Variants in SCRN3 observed in about 807,000 individuals in gnomAD.
SCRN3 encodes the protein secernin-3.
In SCRN3, 39 loss-of-function variants were observed where a neutral mutation model predicts 43.1. The observed-to-expected ratio is 0.91, with a 90% confidence interval of 0.70 to 1.18. The LOEUF is 1.18. Ranked by LOEUF, SCRN3 falls within the 50% of genes most tolerant of loss-of-function variation. The pLI, the probability that SCRN3 is intolerant of heterozygous loss-of-function variation, is 0.00. For missense variants in SCRN3, 484 were observed against 498.0 expected (o/e 0.97, Z 0.27); for synonymous variants, 147 against 163.1 (o/e 0.90, Z 0.75).
chr2:174,396,985 G>A (rs1312270203), intron 1 of SCRN3: 1 of 682,912 alleles, frequency 1.5e-6, no homozygotes, highest in Admixed American at 6.3e-5. Context: ...TGAGGCAGAA[G>A]GCATAGGTAA....
At chr2:174,406,559 A>G (rs1167893490) in intron 5 of SCRN3, among the ~76,000 whole-genome samples, 1 of 150,636 alleles carries the variant, frequency 6.6e-6, no homozygotes, top group Non-Finnish European at 1.5e-5. Flanking sequence ...AAATGCTTCC[A>G]GTTTTTGCCC....
At chr2:174,420,669 CTG>C (rs1305197992) in intron 5 of SCRN3, among the ~76,000 whole-genome samples, 1 of 152,046 alleles carries the variant, frequency 6.6e-6, no homozygotes, top group Non-Finnish European at 1.5e-5. Flanking sequence ...AAAATTATAA[CTG>C]AAATTAAGAA....
At chr2:174,416,901 AC>A (rs1448587082) in intron 5 of SCRN3, among the ~76,000 whole-genome samples, 1 of 152,182 alleles carries the variant, frequency 6.6e-6, no homozygotes, top group Non-Finnish European at 1.5e-5. Flanking sequence ...AAAAAGGAAA[AC>A]GTTTGACAGA....
rs1686067617 is a variant in SCRN3 at position 174,415,363 on chromosome 2, A to T, written c.755-7522A>T. 2.0e-5 allele frequency among the ~76,000 whole-genome samples: 3 copies of T among 152,308 alleles called. No individual in the cohort carries two copies. In the South Asian group the frequency reaches 6.2e-4, roughly 32 times the overall value. On this transcript the variant is annotated intron_variant, in intron 5 of 7. Coordinates refer to ENST00000272732, the MANE Select transcript of SCRN3 (RefSeq NM_024583.5). The stretch of plus-strand genomic sequence containing the variant: ...AAAAAAAATGGCATGTTACAATTTT[A>T]ATATTTTTTTTAGTGAAATTAGATA...
chr2:174,424,051 A>G (rs374800632), intron 6 of SCRN3, among the ~76,000 whole-genome samples: 1 of 151,982 alleles, frequency 6.6e-6, no homozygotes, highest in African/African-American at 2.4e-5. Context: ...TTGACCTCTG[A>G]AAGTGCTGGG....
At chr2:174,424,374 T>C (rs1686406293) in intron 6 of SCRN3, 101 bp from the exon 7 acceptor site, 2 of 855,880 alleles carry the variant, frequency 2.3e-6, no homozygotes, top group African/African-American at 1.7e-5. Flanking sequence ...TGTAGCATCA[T>C]TAACAGAAAC....
At position 174,400,052 on chromosome 2, in the gene SCRN3, G is replaced by A; in HGVS notation, c.290G>A (p.Gly97Glu). The change falls in exon 3 of 8, where the codon GGA becomes GAA. Residue 97 changes from glycine to glutamate, a missense_variant. Transcript: ENST00000272732. ...TGCATTGGGAATGAAGCTGTATGGG[G>A]AAGAGAAGAAGTTTGTGATGAAGAA... ...GVCIGNEAVW[G>E]REEVCDEEAL... The A allele has an allele frequency of 2.5e-6, 4 of 1,596,896 alleles. No individual in the cohort carries two copies. The highest frequency in any genetic ancestry group is 3.4e-6 in the Non-Finnish European group (4 of 1,173,960).
intron 5 of SCRN3, among the ~76,000 whole-genome samples, chr2:174,414,765 C>CTTTTTTT (rs553055709): frequency 1.5e-5 from 2 of 131,192 alleles, no homozygotes; most frequent in Non-Finnish European, 3.2e-5. Flanking sequence ...TTTCTATTTT[C>CTTTTTTT]TTTTTTTTTT....
chr2:174,406,295 T>C lies in SCRN3; in HGVS notation c.754+1980T>C, dbSNP rs929891294. The stretch of plus-strand genomic sequence containing the variant: ...GGTGTATAGGAATGCTTGTGATTTG[T>C]GCACATTGATTTTGTATCCTGAGAC... On this transcript the variant is annotated intron_variant, in intron 5 of 7. Transcript: ENST00000272732. Among the ~76,000 whole-genome samples the C allele has an allele frequency of 1.7e-4, 24 of 141,324 alleles. 1 individual carries two copies. Among genetic ancestry groups the C allele is most frequent in the African/African-American group, 5.4e-4 (22 of 40,572 alleles). The allele number at this position is 141,324 out of a possible 152,430, so 92.7% of individuals were successfully genotyped here.
chr2:174,400,718 A>G (rs74987903), intron 3 of SCRN3, among the ~76,000 whole-genome samples: 356 of 152,342 alleles, frequency 2.3e-3, no homozygotes, highest in African/African-American at 8.2e-3. Flanking sequence ...TATCGTGCTC[A>G]TTTTACAAAT....
chr2:174,426,957 C>T (rs973399257), intron 7 of SCRN3, among the ~76,000 whole-genome samples: 32 of 151,794 alleles, frequency 2.1e-4, no homozygotes, highest in African/African-American at 4.8e-4. Flanking sequence ...CTCAGCCTCC[C>T]GAGTAGCTGG....
At chr2:174,397,678 AC>A (rs1685369355) in intron 1 of SCRN3, among the ~76,000 whole-genome samples, 1 of 152,096 alleles carries the variant, frequency 6.6e-6, no homozygotes, top group Non-Finnish European at 1.5e-5. Flanking sequence ...AGTAAGACAT[AC>A]TCCCAGCCCT....
chr2:174,397,305 ACT>A (rs773606230), intron 1 of SCRN3: 72 of 984,990 alleles, frequency 7.3e-5, no homozygotes, highest in Non-Finnish European at 7.8e-5. Context: ...AAAGAAGGAA[ACT>A]CTGTAAAACA....
chr2:174,404,082 C>T, intron 4 of SCRN3, 21 bp from the exon 5 acceptor site: 1 of 1,582,664 alleles, frequency 6.3e-7, no homozygotes, highest in Non-Finnish European at 8.7e-7. Context: ...TCTCCTTTCT[C>T]CTCTTCTTCT....
chr2:174,396,690 C>G (rs529734780), intron 1 of SCRN3, among the ~76,000 whole-genome samples: 1 of 151,786 alleles, frequency 6.6e-6, no homozygotes, highest in Admixed American at 6.6e-5. Context: ...CCCAGCTACT[C>G]GGGAGGTTGA....
chr2:174,417,773 T>C (rs536144749), intron 5 of SCRN3, among the ~76,000 whole-genome samples: 2 of 152,368 alleles, frequency 1.3e-5, no homozygotes, highest in South Asian at 4.1e-4. Context: ...GTTTGTGCTC[T>C]TCTCTATGAA....
chr2:174,400,767 G>A (rs926934789), intron 3 of SCRN3, among the ~76,000 whole-genome samples: 5 of 152,142 alleles, frequency 3.3e-5, no homozygotes, highest in Admixed American at 1.3e-4. Flanking sequence ...ACTTGACAGT[G>A]AATTACCAAC....
At chr2:174,401,881 C>T (rs992869094) in intron 4 of SCRN3, among the ~76,000 whole-genome samples, 4 of 152,028 alleles carry the variant, frequency 2.6e-5, no homozygotes, top group African/African-American at 9.7e-5. Flanking sequence ...TTCTGGACTC[C>T]TAGTTTACTA....
chr2:174,411,049 G>C (rs183110020), intron 5 of SCRN3, among the ~76,000 whole-genome samples: 54 of 152,248 alleles, frequency 3.5e-4, no homozygotes, highest in Non-Finnish European at 5.9e-5. Flanking sequence ...ACGGCTATGA[G>C]TCTGAAAAAT....
Sources: allele counts gnomAD v4.1 joint callset (sites outside exome capture counted in the v4.1 genomes callset), GRCh38; gene constraint gnomAD v4.1.1; transcripts MANE v1.5; gene names NCBI Gene and HGNC (gene_info 2026-07-23, HGNC 2026-07-21).